ZFHX3: variants seen among roughly 807,000 people sequenced by gnomAD.
ZFHX3 encodes the protein zinc finger homeobox protein 3.
ZFHX3 carries 42 observed loss-of-function variants against 279.1 expected under a neutral mutation model. That is an observed-to-expected ratio of 0.15 (90% confidence interval 0.12 to 0.19). ZFHX3 has a LOEUF of 0.19. Ranked by LOEUF, ZFHX3 falls within the 10% of genes least tolerant of loss-of-function variation. The pLI is 1.00. For synonymous variants in ZFHX3, 2,293 were observed against 1,957.8 expected (o/e 1.17, Z -4.52); for missense variants, 4,981 against 4,754.0 (o/e 1.05, Z -1.40).
chr16:73,493,492 A>T (rs1036493422), intron 2 of ZFHX3, among the ~76,000 whole-genome samples: 2 of 152,200 alleles, frequency 1.3e-5, no homozygotes, highest in East Asian at 1.9e-4. Flanking sequence ...AAAATTTATA[A>T]TCCAAATGAG....
chr16:73,446,458 A>T (rs1184495957), intron 3 of ZFHX3, among the ~76,000 whole-genome samples: 1 of 152,176 alleles, frequency 6.6e-6, no homozygotes, highest in Admixed American at 6.5e-5. Flanking sequence ...AAAAGAACCC[A>T]CTGACTATGG....
intron 7 of ZFHX3, chr16:72,807,784 T>G (rs2087707938): frequency 6.6e-6 from 1 of 152,054 alleles, no homozygotes; most frequent in African/African-American, 2.4e-5. Flanking sequence ...AATCATCTAT[T>G]TGGGGGATTT....
At chr16:73,591,986 C>CT (rs2052004296) in intron 2 of ZFHX3, among the ~76,000 whole-genome samples, 1 of 151,968 alleles carries the variant, frequency 6.6e-6, no homozygotes, top group African/African-American at 2.4e-5. Context: ...AATCCCAGCA[C>CT]TTTAGGAGGC....
intron 2 of ZFHX3, among the ~76,000 whole-genome samples, chr16:73,493,456 A>T (rs1462925475): frequency 6.6e-6 from 1 of 152,198 alleles, no homozygotes; most frequent in African/African-American, 2.4e-5. Flanking sequence ...CAGCATTCCT[A>T]TCCCCAAGCT....
Position 73,690,390 on chromosome 16 carries a change from A to G in ZFHX3, c.-1607-10150T>C, listed in dbSNP as rs535482178. Among the ~76,000 whole-genome samples the G allele has an allele frequency of 5.9e-5, 9 of 152,282 alleles. No homozygotes were observed. In the East Asian group the frequency reaches 1.7e-3, roughly 29 times the overall value. On this transcript the variant is annotated intron_variant, in intron 1 of 17. Coordinates refer to the ZFHX3 transcript ENST00000641206. ...CTTGAAGCAGCTAGGTAAGAAGAAA[A>G]TTTCAAATCAATTTTGGGCCACATG...
At chr16:73,485,431 A>AG (rs1030600614) in intron 2 of ZFHX3, among the ~76,000 whole-genome samples, 2 of 92,146 alleles carry the variant, frequency 2.2e-5, no homozygotes, top group African/African-American at 1.2e-4. Context: ...GGAGAAAAAA[A>AG]AAAAAAAAAA....
chr16:73,702,325 G>A (rs2053256397), intron 1 of ZFHX3, among the ~76,000 whole-genome samples: 1 of 151,882 alleles, frequency 6.6e-6, no homozygotes. Flanking sequence ...GCAGGTGTGG[G>A]GACATTTGAT....
At chr16:73,133,416 G>A (rs1858789012) in intron 6 of ZFHX3, among the ~76,000 whole-genome samples, 1 of 152,082 alleles carries the variant, frequency 6.6e-6, no homozygotes, top group African/African-American at 2.4e-5. Flanking sequence ...CAGCTACTCG[G>A]GAGGCTGAGG....
intron 3 of ZFHX3, among the ~76,000 whole-genome samples, chr16:72,915,964 C>G (rs916773102): frequency 6.6e-6 from 1 of 152,162 alleles, no homozygotes. Context: ...TGCATTTCAA[C>G]GTTTCACTTC....
At chr16:73,563,173 TGTGTGTGTGTGTGTGTGTGTG>T (rs2020398656) in intron 2 of ZFHX3, among the ~76,000 whole-genome samples, 2 of 2,780 alleles carry the variant, frequency 7.2e-4, no homozygotes, top group Non-Finnish European at 2.3e-3. Context: ...TGTTTTGTTG[TGTGTGTGTGTGTGTGTGTGTG>T]TGTGTGTGTG....
At chr16:73,033,342 G>T (rs1255252582) in intron 1 of ZFHX3, among the ~76,000 whole-genome samples, 1 of 151,248 alleles carries the variant, frequency 6.6e-6, no homozygotes, top group Non-Finnish European at 1.5e-5. Flanking sequence ...AGGCGCCTCC[G>T]AGGGTTCGTC....
chr16:72,900,905 A>C (rs2039018755), intron 3 of ZFHX3, among the ~76,000 whole-genome samples: 1 of 152,236 alleles, frequency 6.6e-6, no homozygotes, highest in Non-Finnish European at 1.5e-5. Flanking sequence ...TGCAGGGAGG[A>C]AAATTTCCAA....
intron 2 of ZFHX3, among the ~76,000 whole-genome samples, chr16:73,474,304 C>T (rs1335668354): frequency 2.6e-5 from 4 of 151,952 alleles, no homozygotes; most frequent in Admixed American, 1.3e-4. Flanking sequence ...TGTGCCACCA[C>T]GCCCAGCTAA....
At chr16:73,327,641 A>G (rs911323881) in intron 3 of ZFHX3, among the ~76,000 whole-genome samples, 1 of 152,234 alleles carries the variant, frequency 6.6e-6, no homozygotes, top group Non-Finnish European at 1.5e-5. Context: ...CAATGACAAG[A>G]TTCAGCAAGT....
intron 4 of ZFHX3, among the ~76,000 whole-genome samples, chr16:73,276,139 C>T (rs1043821635): frequency 2.7e-5 from 4 of 149,998 alleles, no homozygotes; most frequent in African/African-American, 9.8e-5. Context: ...GAAAACTGGG[C>T]ATTGGAGGGG....
chr16:73,633,821 C>T (rs772629276), intron 2 of ZFHX3, among the ~76,000 whole-genome samples: 12 of 151,958 alleles, frequency 7.9e-5, no homozygotes, highest in African/African-American at 1.2e-4. Flanking sequence ...TCGCTTGAAC[C>T]CGGGAGGCGG....
intron 2 of ZFHX3, among the ~76,000 whole-genome samples, chr16:73,560,447 C>T (rs2020352706): frequency 6.6e-6 from 1 of 152,180 alleles, no homozygotes; most frequent in Non-Finnish European, 1.5e-5. Context: ...TGTCAAGATT[C>T]ACACGGATTT....
chr16:73,411,029 G>A (rs997540947), intron 3 of ZFHX3, among the ~76,000 whole-genome samples: 1 of 152,186 alleles, frequency 6.6e-6, no homozygotes, highest in African/African-American at 2.4e-5. Context: ...GATATGGGTT[G>A]CTCTCCTAGA....
intron 1 of ZFHX3, among the ~76,000 whole-genome samples, chr16:73,891,427 A>T (rs1223097297): frequency 2.0e-5 from 3 of 152,056 alleles, no homozygotes; most frequent in Admixed American, 6.6e-5. Flanking sequence ...AGCAGGGAAG[A>T]AGTTAGGTAG....
Sources: gnomAD v4.1 joint callset for allele counts (sites outside exome capture counted in the v4.1 genomes callset) on GRCh38, gnomAD v4.1.1 for gene constraint, MANE v1.5 for transcripts, NCBI Gene and HGNC (gene_info 2026-07-23, HGNC 2026-07-21) for gene names.